The following NELL2 variants were observed in gnomAD, a reference collection of about 807,000 sequenced individuals.
NELL2 encodes the protein protein kinase C-binding protein NELL2.
NELL2 carries 41 observed loss-of-function variants against 109.6 expected under a neutral mutation model. The observed-to-expected ratio is 0.37, with a 90% CI of 0.29 to 0.49. The LOEUF (loss-of-function observed/expected upper bound fraction) is 0.49. Ranked by LOEUF, NELL2 falls within the 20% of genes least tolerant of loss-of-function variation. The pLI, the probability that NELL2 is intolerant of heterozygous loss-of-function variation, is 0.98. For synonymous variants in NELL2, 355 were observed against 344.7 expected (o/e 1.03, Z -0.33); for missense variants, 900 against 1,008.3 (o/e 0.89, Z 1.45).
At chr12:44,783,287 T>C (rs1173866162) in intron 3 of NELL2, among the ~76,000 whole-genome samples, 1 of 150,436 alleles carries the variant, frequency 6.6e-6, no homozygotes, top group Non-Finnish European at 1.5e-5. Context: ...GAAAAGAAGA[T>C]AAGTCCCAAA....
intron 2 of NELL2, among the ~76,000 whole-genome samples, chr12:44,849,288 A>T (rs1165395824): frequency 3.9e-5 from 6 of 152,152 alleles, no homozygotes; most frequent in Admixed American, 3.9e-4. Context: ...CAAAATAAAC[A>T]TCTAACAAAG....
chr12:44,822,450 C>T (rs1417993646), intron 2 of NELL2, among the ~76,000 whole-genome samples: 3 of 152,162 alleles, frequency 2.0e-5, no homozygotes, highest in Non-Finnish European at 4.4e-5. Flanking sequence ...TCTTAACATA[C>T]AATCCTGCCT....
Position 44,876,289 on chromosome 12 carries a change from C to G in NELL2, c.-420G>C, listed in dbSNP as rs1397919501. The G allele has an allele frequency of 7.7e-6, 9 of 1,161,594 alleles. No individual in the cohort carries two copies. The African/African-American group carries it at 7.9e-5, about 10-fold the overall frequency. The allele number at this position is 1,161,594 out of a possible 1,614,324, so 72.0% of individuals were successfully genotyped here. ...GCACCCCCCCGTCTTCCCCGCCGCCCGAACCTGTTGTAAAGGCAGAGACAA... is the reference window on the plus strand; with the variant it reads ...GCACCCCCCCGTCTTCCCCGCCGCCGGAACCTGTTGTAAAGGCAGAGACAA... On this transcript the variant is annotated 5_prime_UTR_variant, in exon 1 of 20. Transcript: ENST00000429094.
At chr12:44,845,943 G>A (rs1944355434) in intron 2 of NELL2, among the ~76,000 whole-genome samples, 1 of 152,186 alleles carries the variant, frequency 6.6e-6, no homozygotes, top group Admixed American at 6.5e-5. Context: ...TAATCCTGAA[G>A]GCTTTCAGAA....
At chr12:44,831,415 T>C (rs1157710606) in intron 2 of NELL2, among the ~76,000 whole-genome samples, 2 of 152,182 alleles carry the variant, frequency 1.3e-5, no homozygotes, top group Non-Finnish European at 2.9e-5. Context: ...CAGTATATAT[T>C]ACATAATGAT....
At chr12:44,575,378 G>A (rs1219511845) in intron 15 of NELL2, among the ~76,000 whole-genome samples, 6 of 152,186 alleles carry the variant, frequency 3.9e-5, no homozygotes, top group African/African-American at 1.4e-4. Context: ...ACAAACTCCT[G>A]GCAGCTTTGG....
chr12:44,735,528 C>T (rs559787664), intron 9 of NELL2, among the ~76,000 whole-genome samples: 11 of 152,270 alleles, frequency 7.2e-5, no homozygotes, highest in African/African-American at 2.6e-4. Flanking sequence ...TTTTGGAATT[C>T]CAGCTTATTG....
At chr12:44,587,271 CAA>C (rs1194091069) in intron 15 of NELL2, among the ~76,000 whole-genome samples, 5 of 28,128 alleles carry the variant, frequency 1.8e-4, no homozygotes, top group East Asian at 7.9e-3. Context: ...GACTCCGTCT[CAA>C]AAAAAAAAAA....
chr12:44,615,646 A>C (rs956151238), intron 13 of NELL2, among the ~76,000 whole-genome samples: 18 of 151,984 alleles, frequency 1.2e-4, no homozygotes, highest in African/African-American at 4.1e-4. Context: ...GTTCTTCTTT[A>C]TAATTATCCA....
intron 15 of NELL2, among the ~76,000 whole-genome samples, chr12:44,547,420 T>G (rs1299991811): frequency 6.6e-6 from 1 of 152,194 alleles, no homozygotes; most frequent in Non-Finnish European, 1.5e-5. Context: ...TTGCGATAAA[T>G]ATCATGTAAA....
chr12:44,596,805 T>C (rs1218873154), intron 15 of NELL2, among the ~76,000 whole-genome samples: 1 of 152,112 alleles, frequency 6.6e-6, no homozygotes, highest in Non-Finnish European at 1.5e-5. Flanking sequence ...TTTGCCCTAT[T>C]CCACATAGAG....
chr12:44,839,385 T>C (rs1944153237), intron 2 of NELL2, among the ~76,000 whole-genome samples: 4 of 152,182 alleles, frequency 2.6e-5, no homozygotes, highest in Admixed American at 2.6e-4. Flanking sequence ...CTGTATATAC[T>C]AATGATATAC....
chr12:44,621,349 G>A (rs1946051995), intron 13 of NELL2, among the ~76,000 whole-genome samples: 1 of 152,136 alleles, frequency 6.6e-6, no homozygotes, highest in East Asian at 1.9e-4. Context: ...AAGTGGTTAG[G>A]TGAAAGGACT....
intron 3 of NELL2, 51 bp from the exon 4 acceptor site, chr12:44,780,073 G>A (rs781123952): frequency 7.7e-5 from 121 of 1,580,426 alleles, no homozygotes; most frequent in Non-Finnish European, 8.9e-5. Flanking sequence ...GTTCAAAAAC[G>A]ATTGAAGTGA....
At chr12:44,523,621 T>C (rs763307978) in intron 16 of NELL2, 137 bp from the exon 17 acceptor site, 2 of 673,924 alleles carry the variant, frequency 3.0e-6, no homozygotes, top group South Asian at 3.8e-5. Flanking sequence ...GCATTTGTGA[T>C]TAAATGTTGA....
chr12:44,544,861 C>G (rs539185442), intron 15 of NELL2, among the ~76,000 whole-genome samples: 38 of 151,942 alleles, frequency 2.5e-4, no homozygotes, highest in Admixed American at 1.0e-3. Context: ...CTGCAAGATG[C>G]TACTACAATT....
At chr12:44,652,064 A>G (rs1462838789) in intron 13 of NELL2, among the ~76,000 whole-genome samples, 1 of 152,200 alleles carries the variant, frequency 6.6e-6, no homozygotes, top group Non-Finnish European at 1.5e-5. Flanking sequence ...ATAAATCCCC[A>G]TTGAGAGCTA....
At chr12:44,877,481 T>C (rs565189903), upstream of NELL2, among the ~76,000 whole-genome samples, 1 of 152,354 alleles carries the variant, frequency 6.6e-6, no homozygotes, top group Admixed American at 6.5e-5. Context: ...AAAGATCAAT[T>C]GGGTTTCTTA....
intron 13 of NELL2, among the ~76,000 whole-genome samples, chr12:44,641,413 G>T (rs1233221483): frequency 3.3e-5 from 5 of 152,094 alleles, no homozygotes; most frequent in African/African-American, 1.2e-4. Context: ...TTCACTTTTT[G>T]CAGGGCATCC....
Sources: gnomAD v4.1 joint callset for allele counts (sites outside exome capture counted in the v4.1 genomes callset) on GRCh38, gnomAD v4.1.1 for gene constraint, MANE v1.5 for transcripts, NCBI Gene and HGNC (gene_info 2026-07-23, HGNC 2026-07-21) for gene names.